Variants in CLCNKB observed in about 807,000 individuals in gnomAD.
CLCNKB encodes chloride channel protein ClC-Kb.
In CLCNKB, 74 loss-of-function variants were observed where a neutral mutation model predicts 83.8. The ratio of observed to expected loss-of-function variants is 0.88; its 90% CI spans 0.73 to 1.07. The LOEUF (loss-of-function observed/expected upper bound fraction) is 1.07, where lower values mean the gene tolerates loss of function less well. Ranked by LOEUF, CLCNKB falls within the 50% of genes least tolerant of loss-of-function variation. CLCNKB has a pLI of 0.00. For missense variants in CLCNKB, 798 were observed against 893.6 expected (o/e 0.89, Z 1.36); for synonymous variants, 358 against 356.6 (o/e 1.00, Z -0.04).
At position 16,053,686 on chromosome 1, in the gene CLCNKB, C is replaced by T. The variant is rs141237456; in HGVS notation, c.1670C>T (p.Thr557Ile). Reference sequence around the variant, plus strand: ...CACTTCATGAACCACAGCATCACCACACTGGCCAAGGACATGCCACTGGAG... The same window carrying T: ...CACTTCATGAACCACAGCATCACCATACTGGCCAAGGACATGCCACTGGAG... ...VEHFMNHSIT[T>I]LAKDMPLEEV... Residue 557 changes from threonine to isoleucine, a missense_variant, in exon 16 of 20, where the codon ACA becomes ATA. By Grantham distance (89) the Thr-to-Ile change is moderately conservative. Transcript: ENST00000375679. The T allele has an allele frequency of 1.2e-6, 2 of 1,613,870 alleles. No individual in the cohort carries two copies. Among genetic ancestry groups the T allele is most frequent in the African/African-American group, 2.7e-5 (2 of 74,906 alleles).
chr1:16,055,505 C>T lies in CLCNKB; in HGVS notation c.1827C>T (p.Ser609=). 1 of 1,495,932 alleles carries T rather than the reference C, an allele frequency of 6.7e-7. No individual in the cohort carries two copies. Among genetic ancestry groups the T allele is most frequent in the Non-Finnish European group, 9.1e-7 (1 of 1,104,932 alleles). 92.7% of individuals were successfully genotyped at this position (1,495,932 alleles called of 1,614,324 possible). A position where few individuals can be genotyped will look rare whatever the true frequency, so the allele number is the denominator to read the frequency against. ...AGGCCCTGAAGGCTGAGCCTCCTTCCTGGGCTCCTGGACACCAGGTGGGTA... is the reference window on the plus strand; with the variant it reads ...AGGCCCTGAAGGCTGAGCCTCCTTCTTGGGCTCCTGGACACCAGGTGGGTA... ...LVQALKAEPP[S]WAPGHQQCLQ... The change falls in exon 17 of 20, where the codon TCC becomes TCT. Residue 609 remains serine, a synonymous_variant. Transcript: ENST00000375679.
chr1:16,048,677 G>T, intron 7 of CLCNKB, 95 bp downstream of exon 7: 1 of 1,574,742 alleles, frequency 6.4e-7, no homozygotes, highest in South Asian at 1.1e-5. Flanking sequence ...GGAGGAGGGG[G>T]TGGGGCTCAT....
chr1:16,049,950 G>A lies in CLCNKB; in HGVS notation c.968+34G>A, dbSNP rs569455220. On this transcript the variant is annotated intron_variant, in intron 10 of 19. Transcript: ENST00000375679. Reference sequence around the variant, plus strand: ...CGGGCTAAGGGCTGGGGACCTCTCAGCGAGCTCCCCCCTCACCGTACTCCC... The same window carrying A: ...CGGGCTAAGGGCTGGGGACCTCTCAACGAGCTCCCCCCTCACCGTACTCCC... 28 of 1,208,012 alleles carry A rather than the reference G, an allele frequency of 2.3e-5. No homozygotes were observed. The South Asian group carries it at 2.9e-4, about 12-fold the overall frequency. The allele number at this position is 1,208,012 out of a possible 1,614,324, so 74.8% of individuals were successfully genotyped here.
At chr1:16,047,647 T>C (rs1040146154) in intron 4 of CLCNKB, among the ~76,000 whole-genome samples, 24 of 152,224 alleles carry the variant, frequency 1.6e-4, no homozygotes, top group African/African-American at 5.8e-4. Context: ...TCTCCACCTA[T>C]AGTCCCAGCT....
At chr1:16,054,210 C>G (rs1423816584) in intron 16 of CLCNKB, among the ~76,000 whole-genome samples, 1 of 152,188 alleles carries the variant, frequency 6.6e-6, no homozygotes, top group Non-Finnish European at 1.5e-5. Flanking sequence ...CTTGCAGAAA[C>G]CTTAACTAGA....
intron 12 of CLCNKB, 129 bp downstream of exon 12, chr1:16,051,177 C>G: frequency 1.4e-6 from 2 of 1,408,882 alleles, no homozygotes; most frequent in Non-Finnish European, 2.0e-6. Flanking sequence ...GCCCCCTGCC[C>G]ATTGCATGGT....
intron 3 of CLCNKB, 40 bp downstream of exon 3, chr1:16,045,726 T>TC: frequency 6.2e-7 from 1 of 1,602,620 alleles, no homozygotes; most frequent in South Asian, 1.1e-5. Flanking sequence ...GGCCAAGGGA[T>TC]TCTGAGCTCT....
Position 16,048,541 on chromosome 1 carries a change from C to G in CLCNKB, c.614C>G (p.Ala205Gly). ...SKQNEMLVAA[A>G]AVGVATVFAA... ...CAAAACGAAATGCTGGTGGCAGCGG[C>G]GGCAGTGGGCGTGGCCACAGTCTTT... The change falls in exon 7 of 20, where the codon GCG (alanine) becomes GGG (glycine). Residue 205 changes from alanine to glycine, a missense_variant. Ala to Gly is a moderately conservative substitution (Grantham distance 60, BLOSUM62 0). Transcript: ENST00000375679. 1 of 1,613,174 alleles carries G rather than the reference C, an allele frequency of 6.2e-7. No individual in the cohort carries two copies.
In CLCNKB at chr1:16,056,525, G is replaced by A. The variant is rs754610767; in HGVS notation, c.2016+17G>A. 7.5e-6 allele frequency: 12 copies of A among 1,610,668 alleles called. No individual in the cohort carries two copies. In the East Asian group the frequency reaches 2.7e-4, roughly 36 times the overall value. ...TGGGTGGAGGTACCAGGGTCCCGGG[G>A]GCAGAGCAAAGCAGGGAACCTATGC... is the stretch of plus-strand genomic sequence containing the variant. On this transcript the variant is annotated intron_variant, in intron 19 of 19. Coordinates refer to ENST00000375679, the MANE Select transcript of CLCNKB (RefSeq NM_000085.5).
chr1:16,056,454 T>G lies in CLCNKB; in HGVS notation c.1962T>G (p.His654Gln), dbSNP rs781733931. The change falls in exon 19 of 20, where the codon CAT (histidine) becomes CAG (glutamine). Residue 654 changes from histidine to glutamine, a missense_variant. His to Gln is a conservative substitution (Grantham distance 24). Transcript: ENST00000375679. ...AHNLFELLNL[H>Q]SLFVTSRGRA... ...ACCTCTTTGAGCTGTTGAACCTTCA[T>G]TCCCTCTTTGTGACGTCGCGGGGCA... is the stretch of plus-strand genomic sequence containing the variant. 8 of 1,613,888 alleles carry G rather than the reference T, an allele frequency of 5.0e-6. No individual in the cohort carries two copies. Among genetic ancestry groups the G allele is most frequent in the East Asian group, 2.2e-5 (1 of 44,864 alleles).
chr1:16,055,100 C>T (rs1570344559), intron 16 of CLCNKB, among the ~76,000 whole-genome samples: 2 of 152,100 alleles, frequency 1.3e-5, no homozygotes, highest in Admixed American at 1.3e-4. Flanking sequence ...AAAGCCCAGC[C>T]CTGACACACA....
At position 16,045,784 on chromosome 1, in the gene CLCNKB, G is replaced by GT. The variant is rs963915401; in HGVS notation, c.229+98_229+99insT. 15 of 1,214,554 alleles carry GT rather than the reference G, an allele frequency of 1.2e-5. No individual in the cohort carries two copies. The African/African-American group carries it at 2.0e-4, about 16-fold the overall frequency. 75.2% of individuals were successfully genotyped at this position (1,214,554 alleles called of 1,614,324 possible). A position where few individuals can be genotyped will look rare whatever the true frequency, so the allele number is the denominator to read the frequency against. ...TCGCCAGGTGCAGCGGAGGTTGGGG[G>GT]GGGTGCTCTGGGTGGGGATCTGGTC... On this transcript the variant is annotated intron_variant, in intron 3 of 19. Transcript: ENST00000375679.
intron 19 of CLCNKB, 134 bp downstream of exon 19, chr1:16,056,642 T>A (rs2124116089): frequency 9.0e-7 from 1 of 1,111,198 alleles, no homozygotes; most frequent in Non-Finnish European, 1.3e-6. Flanking sequence ...TACTGATGAG[T>A]CCCTCTTCTT....
At chr1:16,055,812 G>A in intron 18 of CLCNKB, 54 bp downstream of exon 18, 3 of 1,540,368 alleles carry the variant, frequency 1.9e-6, no homozygotes, top group Non-Finnish European at 2.7e-6. Context: ...TGGGGGAAGA[G>A]CTGATGAGGA....
intron 18 of CLCNKB, 86 bp downstream of exon 18, chr1:16,055,844 C>T: frequency 8.3e-7 from 1 of 1,211,964 alleles, no homozygotes; most frequent in Admixed American, 1.9e-5. Flanking sequence ...AGCCTCCCCT[C>T]CCAACCCCGC....
chr1:16,049,955 C>CT (rs748661435), intron 10 of CLCNKB, 39 bp downstream of exon 10: 1 of 1,145,420 alleles, frequency 8.7e-7, no homozygotes, highest in East Asian at 7.3e-5. Flanking sequence ...TCTCAGCGAG[C>CT]TCCCCCCTCA....
At chr1:16,046,810 G>A in intron 4 of CLCNKB, 147 bp downstream of exon 4, 1 of 1,072,638 alleles carries the variant, frequency 9.3e-7, no homozygotes, top group South Asian at 1.4e-5. Flanking sequence ...AAGAAGGCCA[G>A]ATCTTGACTT....
At chr1:16,045,855 C>A (rs941734209) in intron 3 of CLCNKB, among the ~76,000 whole-genome samples, 169 bp downstream of exon 3, 1 of 152,186 alleles carries the variant, frequency 6.6e-6, no homozygotes, top group African/African-American at 2.4e-5. Context: ...CAGGCTCCTG[C>A]CCCTCTCTGG....
chr1:16,053,599 C>A, intron 15 of CLCNKB, 40 bp from the exon 16 acceptor site: 1 of 1,613,624 alleles, frequency 6.2e-7, no homozygotes, highest in Non-Finnish European at 8.5e-7. Flanking sequence ...GGTCTCACAT[C>A]CCTGACTGTG....
Sources: gnomAD v4.1 joint callset for allele counts (sites outside exome capture counted in the v4.1 genomes callset) on GRCh38, gnomAD v4.1.1 for gene constraint, MANE v1.5 for transcripts, NCBI Gene and HGNC (gene_info 2026-07-23, HGNC 2026-07-21) for gene names.